The following SYCE1 variants were observed in gnomAD, a reference collection of about 807,000 sequenced individuals.
SYCE1 encodes synaptonemal complex central element protein 1.
A neutral mutation model predicts 55.1 loss-of-function variants in SYCE1; 37 were observed. That is an observed-to-expected ratio of 0.67 (90% confidence interval 0.52 to 0.88). The LOEUF (loss-of-function observed/expected upper bound fraction) is 0.88, where lower values mean the gene tolerates loss of function less well. SYCE1 is among the 40% of genes least tolerant of loss of function. The pLI is 0.00. For synonymous variants in SYCE1, 163 were observed against 159.4 expected (o/e 1.02, Z -0.17); for missense variants, 399 against 416.4 (o/e 0.96, Z 0.36).
rs1179166637 is a variant in SYCE1, at chr10:133,555,235, C to G, written c.919-106G>C. 8.3e-5 allele frequency: 129 copies of G among 1,560,966 alleles called. 2 individuals carry two copies. In the East Asian group the frequency reaches 2.9e-3, roughly 35 times the overall value. On this transcript the variant is annotated intron_variant, in intron 12 of 12. Transcript: ENST00000343131. ...TGGGTGGACCCAGTATGGGAAAGGC[C>G]CTCCCCATAGACCATCCTCTGAGGA...
chr10:133,554,861 C>A lies in SYCE1; in HGVS notation c.*131G>T. The A allele has an allele frequency of 6.9e-7, 1 of 1,451,038 alleles. No homozygotes were observed. The highest frequency in any genetic ancestry group is 9.1e-7 in the Non-Finnish European group (1 of 1,102,896). 89.9% of individuals were successfully genotyped at this position (1,451,038 alleles called of 1,614,324 possible). ...TCCAGAGACCAGGAGGTTAAGGAAG[C>A]ATTTATTGAAAACCTGTGATGTACC... is the stretch of plus-strand genomic sequence containing the variant. On this transcript the variant is annotated 3_prime_UTR_variant, in exon 13 of 13. Transcript: ENST00000343131.
chr10:133,554,780 C>T (rs538443880), downstream of SYCE1: 14 of 1,466,664 alleles, frequency 9.5e-6, no homozygotes, highest in African/African-American at 1.8e-4. Context: ...CGTCTCGGGC[C>T]TGCATCCCTC....
chr10:133,563,504 C>G (rs923543650), intron 1 of SYCE1, among the ~76,000 whole-genome samples: 1 of 152,060 alleles, frequency 6.6e-6, no homozygotes, highest in Non-Finnish European at 1.5e-5. Context: ...AGCAATGCAG[C>G]AAGACCCTCT....
chr10:133,568,037 A>G (rs574547231), upstream of SYCE1: 154 of 620,256 alleles, frequency 2.5e-4, 1 homozygote, highest in African/African-American at 2.6e-3. Flanking sequence ...AGGCCGGAGG[A>G]TCCTGGGGGA....
Position 133,565,558 on chromosome 10 carries a change from T to G in SYCE1, c.-29A>C. ...CTCTCAGCTCGCCAGCGAGGGTGCC[T>G]CGGGAGGGAGCCTCCAGTGGTGATT... On this transcript the variant is annotated 5_prime_UTR_variant, in exon 1 of 13. Coordinates refer to ENST00000343131, the MANE Select transcript of SYCE1 (RefSeq NM_001143764.3). The G allele has an allele frequency of 6.5e-7, 1 of 1,546,400 alleles. No homozygotes were observed. The highest frequency in any genetic ancestry group is 8.7e-7 in the Non-Finnish European group (1 of 1,145,808).
downstream of SYCE1, chr10:133,554,652 TA>T: frequency 2.8e-6 from 2 of 725,460 alleles, no homozygotes; most frequent in Non-Finnish European, 2.5e-6. Flanking sequence ...ATTTTTTTTT[TA>T]ATTTCAGGGA....
chr10:133,563,298 C>T (rs11101836), intron 1 of SYCE1, among the ~76,000 whole-genome samples: 5 of 152,094 alleles, frequency 3.3e-5, no homozygotes, highest in South Asian at 2.1e-4. Flanking sequence ...GTGAAAAACT[C>T]GAAGAAGCCT....
chr10:133,556,662 C>T (rs773637573), intron 8 of SYCE1, 97 bp downstream of exon 8: 331 of 1,293,968 alleles, frequency 2.6e-4, no homozygotes, highest in Non-Finnish European at 3.3e-4. Context: ...GCTTGCTTGG[C>T]GACTGGTTGT....
In SYCE1 at chr10:133,559,628, C is replaced by T. The variant is rs146201538; in HGVS notation, c.137-268G>A. The stretch of plus-strand genomic sequence containing the variant: ...AAGAGCAAAGGAGTGGGAAGTGCTC[C>T]TGAGATATGGGAAGGGACCTGAGGG... On this transcript the variant is annotated intron_variant, in intron 2 of 12. Coordinates refer to ENST00000343131, the MANE Select transcript of SYCE1 (RefSeq NM_001143764.3). The T allele has an allele frequency of 1.5e-3, 721 of 479,892 alleles. 2 individuals are homozygous for T. The highest frequency in any genetic ancestry group is 0.013 in the African/African-American group (670 of 51,580). 29.7% of individuals were successfully genotyped at this position (479,892 alleles called of 1,614,324 possible).
At chr10:133,556,903 G>GCA (rs11473038) in intron 7 of SYCE1, 81 bp from the exon 8 acceptor site, 233,751 of 1,568,428 alleles carry the variant, frequency 0.15, 20,970 homozygotes, top group African/African-American at 0.42. Flanking sequence ...GGTTCTTCAG[G>GCA]CAGATTTTGG....
intron 6 of SYCE1, 157 bp downstream of exon 6, chr10:133,557,707 C>T: frequency 1.4e-6 from 1 of 740,258 alleles, no homozygotes; most frequent in Non-Finnish European, 2.3e-6. Flanking sequence ...ACACTACTGC[C>T]AGCTGTTGGA....
downstream of SYCE1, chr10:133,554,729 T>C (rs759088200): frequency 1.1e-6 from 1 of 941,630 alleles, no homozygotes; most frequent in Non-Finnish European, 1.7e-6. Flanking sequence ...TGTATGTGTG[T>C]ATGCAGGTGG....
chr10:133,558,183 G>C lies in SYCE1; in HGVS notation c.303C>G (p.Ile101Met), dbSNP rs778894333. 4 of 1,614,178 alleles carry C rather than the reference G, an allele frequency of 2.5e-6. No homozygotes were observed. Among genetic ancestry groups the C allele is most frequent in the Non-Finnish European group, 3.4e-6 (4 of 1,180,030 alleles). The change falls in exon 5 of 13, where the codon ATC (isoleucine) becomes ATG (methionine). Residue 101 changes from isoleucine to methionine, a missense_variant. Physicochemically the swap from Ile to Met is conservative, Grantham distance 10 (BLOSUM62 1). Transcript: ENST00000343131. The stretch of plus-strand genomic sequence containing the variant: ...GGCAAATACCTTGTTTTTTGCTCAA[G>C]ATCTCCTTCAGGTGTACTTTCTCTC... ...LHGEKVHLKE[I>M]LSKKQETLRI...
intron 1 of SYCE1, 68 bp downstream of exon 1, chr10:133,565,389 C>T (rs1851903785): frequency 1.4e-6 from 2 of 1,382,420 alleles, no homozygotes; most frequent in Admixed American, 2.9e-5. Context: ...CCGCCACCCG[C>T]GCCCCAACCC....
intron 4 of SYCE1, 92 bp downstream of exon 4, chr10:133,558,785 G>T: frequency 2.3e-6 from 3 of 1,288,794 alleles, no homozygotes; most frequent in Non-Finnish European, 3.3e-6. Flanking sequence ...CAGGACCCTT[G>T]GCCATGGCAA....
At chr10:133,555,728 T>C (rs759282904) in intron 10 of SYCE1, 21 bp from the exon 11 acceptor site, 1 of 1,607,048 alleles carries the variant, frequency 6.2e-7, no homozygotes, top group African/African-American at 1.3e-5. Flanking sequence ...CAGTAGGGGG[T>C]GGTCAGCACC....
chr10:133,555,869 C>A lies in SYCE1; in HGVS notation c.630G>T (p.Lys210Asn), dbSNP rs747509729. The A allele has an allele frequency of 6.2e-7, 1 of 1,614,078 alleles. No homozygotes were observed. The highest frequency in any genetic ancestry group is 8.5e-7 in the Non-Finnish European group (1 of 1,179,982). ...KLVKATLEDV[K>N]HQLCSLCGAE... ...CCCCACACAGGGAGCACAGCTGATG[C>A]TTCACGTCTTCCAGTGTCGCCTTGA... The change falls in exon 10 of 13, where the codon AAG (lysine) becomes AAT (asparagine). Residue 210 changes from lysine to asparagine, a missense_variant. Coordinates refer to ENST00000343131, the MANE Select transcript of SYCE1 (RefSeq NM_001143764.3).
chr10:133,554,626 C>A (rs771592540), downstream of SYCE1: 1 of 720,994 alleles, frequency 1.4e-6, no homozygotes, highest in African/African-American at 1.7e-5. Context: ...CCCCAGCTCA[C>A]TGATCCTCAT....
chr10:133,567,488 C>T (rs114484196), upstream of SYCE1, among the ~76,000 whole-genome samples: 54 of 152,040 alleles, frequency 3.6e-4, no homozygotes, highest in African/African-American at 1.2e-3. Flanking sequence ...GGTTCCTGGA[C>T]GGATGGTTTT....
Sources: allele counts gnomAD v4.1 joint callset (sites outside exome capture counted in the v4.1 genomes callset), GRCh38; gene constraint gnomAD v4.1.1; transcripts MANE v1.5; gene names NCBI Gene and HGNC (gene_info 2026-07-23, HGNC 2026-07-21).